The following FAT3 variants were observed in gnomAD, a reference collection of about 807,000 sequenced individuals.
The protein encoded by FAT3 is protocadherin Fat 3.
In FAT3, 95 loss-of-function variants were observed where a neutral mutation model predicts 310.2. That is an observed-to-expected ratio of 0.31 (90% CI 0.26 to 0.36). FAT3 has a LOEUF of 0.36. FAT3 is among the 10% of genes least tolerant of loss of function. FAT3 has a pLI of 1.00. For missense variants in FAT3, 5,408 were observed against 5,715.6 expected (o/e 0.95, Z 1.74); for synonymous variants, 2,314 against 2,192.9 (o/e 1.06, Z -1.54).
chr11:92,469,492 A>G (rs568912320), intron 2 of FAT3, among the ~76,000 whole-genome samples: 1 of 152,142 alleles, frequency 6.6e-6, no homozygotes, highest in South Asian at 2.1e-4. Context: ...CTTCTTTTAA[A>G]GCTTATTTTA....
At chr11:92,670,904 T>A (rs567428327) in intron 3 of FAT3, among the ~76,000 whole-genome samples, 1 of 152,236 alleles carries the variant, frequency 6.6e-6, no homozygotes, top group Non-Finnish European at 1.5e-5. Flanking sequence ...ATGTCACTCC[T>A]TTCCTCAAAA....
chr11:92,792,358 T>C (rs980621499), intron 8 of FAT3, among the ~76,000 whole-genome samples: 6 of 152,152 alleles, frequency 3.9e-5, no homozygotes, highest in African/African-American at 4.8e-5. Context: ...AATGCCTACA[T>C]TGTGTTCATT....
chr11:92,708,758 T>C (rs931565955), intron 4 of FAT3, among the ~76,000 whole-genome samples: 1 of 152,250 alleles, frequency 6.6e-6, no homozygotes, highest in African/African-American at 2.4e-5. Flanking sequence ...GCACATGGTA[T>C]GCACTCAAAA....
chr11:92,650,968 G>A (rs1313999638), intron 3 of FAT3, among the ~76,000 whole-genome samples: 2 of 152,180 alleles, frequency 1.3e-5, no homozygotes, highest in African/African-American at 4.8e-5. Context: ...CATCAGTAAT[G>A]CAGCTTGCTC....
intron 2 of FAT3, among the ~76,000 whole-genome samples, chr11:92,404,470 A>T (rs1950094289): frequency 6.6e-6 from 1 of 151,486 alleles, no homozygotes; most frequent in Non-Finnish European, 1.5e-5. Context: ...AATTCTCAAC[A>T]TTATTTCTCA....
intron 3 of FAT3, among the ~76,000 whole-genome samples, chr11:92,610,585 A>G (rs933042409): frequency 4.6e-5 from 7 of 151,934 alleles, no homozygotes; most frequent in African/African-American, 1.7e-4. Context: ...CCCTCCTTTT[A>G]CCTTCAAAAT....
At chr11:92,634,780 T>G (rs1026336728) in intron 3 of FAT3, among the ~76,000 whole-genome samples, 1 of 152,206 alleles carries the variant, frequency 6.6e-6, no homozygotes, top group African/African-American at 2.4e-5. Context: ...TCCCCAAAAA[T>G]TCATATGCTG....
intron 27 of FAT3, among the ~76,000 whole-genome samples, 200 bp downstream of exon 27, chr11:92,890,091 GC>G (rs1949882579): frequency 6.6e-6 from 1 of 152,174 alleles, no homozygotes; most frequent in African/African-American, 2.4e-5. Context: ...TCACCCATTT[GC>G]CTGCACGCCT....
At chr11:92,681,356 A>G (rs2135857904) in intron 3 of FAT3, among the ~76,000 whole-genome samples, 1 of 152,302 alleles carries the variant, frequency 6.6e-6, no homozygotes, top group South Asian at 2.1e-4. Context: ...GATCTGTTTG[A>G]AAAAGAAAGA....
intron 3 of FAT3, among the ~76,000 whole-genome samples, chr11:92,687,883 G>T (rs1177838872): frequency 2.0e-5 from 3 of 151,992 alleles, no homozygotes; most frequent in South Asian, 2.1e-4. Flanking sequence ...TCCTTGCTAG[G>T]CATGCCTAGC....
intron 4 of FAT3, among the ~76,000 whole-genome samples, chr11:92,717,373 C>T (rs921666366): frequency 6.6e-6 from 1 of 152,164 alleles, no homozygotes; most frequent in African/African-American, 2.4e-5. Context: ...GGCATATATA[C>T]AATTGTGGGT....
intron 3 of FAT3, among the ~76,000 whole-genome samples, chr11:92,541,425 C>T (rs939907575): frequency 3.9e-5 from 6 of 152,048 alleles, no homozygotes; most frequent in Non-Finnish European, 8.8e-5. Context: ...TGTTTAAACT[C>T]CTGTTTGACA....
intron 3 of FAT3, among the ~76,000 whole-genome samples, chr11:92,655,464 A>C (rs1288179501): frequency 1.3e-5 from 2 of 152,212 alleles, no homozygotes; most frequent in East Asian, 3.9e-4. Flanking sequence ...TTCTTCATCT[A>C]TAAATTGGTT....
chr11:92,413,111 C>T (rs752379055), intron 2 of FAT3, among the ~76,000 whole-genome samples: 1 of 152,122 alleles, frequency 6.6e-6, no homozygotes, highest in Admixed American at 6.5e-5. Flanking sequence ...ACACCCCAAC[C>T]CCTGTCAATC....
intron 14 of FAT3, among the ~76,000 whole-genome samples, chr11:92,833,010 G>A (rs1948307789): frequency 6.6e-6 from 1 of 152,196 alleles, no homozygotes; most frequent in Admixed American, 6.5e-5. Context: ...ATAAAAAGGT[G>A]CTTCGAAATA....
intron 2 of FAT3, among the ~76,000 whole-genome samples, chr11:92,444,684 T>C (rs937145334): frequency 7.9e-5 from 12 of 151,108 alleles, no homozygotes; most frequent in African/African-American, 2.9e-4. Flanking sequence ...ACATACAGTT[T>C]ATATTATTTT....
chr11:92,660,411 G>A (rs534047630), intron 3 of FAT3, among the ~76,000 whole-genome samples: 10 of 152,182 alleles, frequency 6.6e-5, no homozygotes, highest in African/African-American at 2.4e-4. Flanking sequence ...AAGTGATGAA[G>A]GCTGGGGTAG....
At chr11:92,439,209 A>G (rs1951014862) in intron 2 of FAT3, among the ~76,000 whole-genome samples, 1 of 152,148 alleles carries the variant, frequency 6.6e-6, no homozygotes, top group African/African-American at 2.4e-5. Context: ...CCACAAAGTA[A>G]TATAAAAAAA....
intron 1 of FAT3, among the ~76,000 whole-genome samples, chr11:92,321,975 G>A (rs1947631345): frequency 6.6e-6 from 1 of 152,144 alleles, no homozygotes; most frequent in Admixed American, 6.5e-5. Context: ...GAGATTATAG[G>A]TGTATGAAAG....
Sources: gnomAD v4.1 joint callset for allele counts (sites outside exome capture counted in the v4.1 genomes callset) on GRCh38, gnomAD v4.1.1 for gene constraint, MANE v1.5 for transcripts, NCBI Gene and HGNC (gene_info 2026-07-23, HGNC 2026-07-21) for gene names.